GNAO1: variants seen among roughly 807,000 people sequenced by gnomAD.
GNAO1 encodes the protein guanine nucleotide-binding protein G(o) subunit alpha.
For missense variants in GNAO1, 166 were observed against 478.7 expected (o/e 0.35, Z 6.10); for synonymous variants, 164 against 180.7 (o/e 0.91, Z 0.74).
chr16:56,281,539 G>A (rs1454284386), intron 3 of GNAO1, among the ~76,000 whole-genome samples: 11 of 147,350 alleles, frequency 7.5e-5, no homozygotes, highest in African/African-American at 2.0e-4. Context: ...TCCCTTTCCC[G>A]CCTTCCCTTT....
intron 3 of GNAO1, among the ~76,000 whole-genome samples, chr16:56,295,409 T>A (rs1303738182): frequency 6.6e-6 from 1 of 152,120 alleles, no homozygotes; most frequent in African/African-American, 2.4e-5. Context: ...GAAGATTAAA[T>A]GAGATGATGA....
intron 3 of GNAO1, among the ~76,000 whole-genome samples, chr16:56,282,119 T>G (rs1212237203): frequency 6.6e-6 from 1 of 152,024 alleles, no homozygotes; most frequent in Non-Finnish European, 1.5e-5. Context: ...ATCCTGTTCC[T>G]CTAGCACAAT....
intron 2 of GNAO1, among the ~76,000 whole-genome samples, chr16:56,243,706 G>A (rs1469181096): frequency 6.6e-6 from 1 of 152,100 alleles, no homozygotes; most frequent in African/African-American, 2.4e-5. Flanking sequence ...GCAGATATAT[G>A]TTCCAGAATT....
chr16:56,348,683 T>A lies in GNAO1; in HGVS notation c.724-2701T>A, dbSNP rs1471793849. ...TGTAAGGATGAGCTGTGCTCTCAGCTCCTTGGCAATGGGTTCCAGGCAGCG... is the reference window on the plus strand; with the variant it reads ...TGTAAGGATGAGCTGTGCTCTCAGCACCTTGGCAATGGGTTCCAGGCAGCG... On this transcript the variant is annotated intron_variant, in intron 6 of 8. Transcript: ENST00000262493. Among the ~76,000 whole-genome samples, 4 of 152,176 alleles carry A rather than the reference T, an allele frequency of 2.6e-5. No individual in the cohort carries two copies. In the East Asian group the frequency reaches 7.7e-4, roughly 29 times the overall value.
intron 3 of GNAO1, chr16:56,307,298 G>A (rs926960658): frequency 6.6e-6 from 1 of 152,192 alleles, no homozygotes; most frequent in African/African-American, 2.4e-5. Flanking sequence ...CAGATTGGAG[G>A]GCAGCGGCTG....
chr16:56,278,619 C>T (rs1293506396), intron 3 of GNAO1, among the ~76,000 whole-genome samples: 1 of 152,192 alleles, frequency 6.6e-6, no homozygotes, highest in Non-Finnish European at 1.5e-5. Flanking sequence ...CATGGAGCTT[C>T]CTATCTAGCA....
chr16:56,347,989 C>T (rs890932106), intron 6 of GNAO1: 16 of 978,002 alleles, frequency 1.6e-5, no homozygotes, highest in Middle Eastern at 5.2e-4. Flanking sequence ...TGGGCTCGGG[C>T]GTCCCAGGCC....
At position 56,216,043 on chromosome 16, in the gene GNAO1, C is replaced by T. The variant is rs142154761; in HGVS notation, c.161+23427C>T. 3.3e-5 allele frequency among the ~76,000 whole-genome samples: 5 copies of T among 152,226 alleles called. No homozygotes were observed. In the East Asian group the frequency reaches 9.7e-4, roughly 29 times the overall value. ...TTAGCTCTCCAGCAGGTGCTAGGACCAGGTTTCAGCAATAGAGGAGTGGGT... is the reference window on the plus strand; with the variant it reads ...TTAGCTCTCCAGCAGGTGCTAGGACTAGGTTTCAGCAATAGAGGAGTGGGT... On this transcript the variant is annotated intron_variant, in intron 2 of 8. Coordinates refer to ENST00000262493, the MANE Select transcript of GNAO1 (RefSeq NM_020988.3).
At chr16:56,319,205 A>G (rs1316534418) in intron 3 of GNAO1, among the ~76,000 whole-genome samples, 1 of 152,214 alleles carries the variant, frequency 6.6e-6, no homozygotes, top group East Asian at 1.9e-4. Context: ...AGTTTCACAC[A>G]AAGAATATAC....
In GNAO1 at chr16:56,192,207, G is replaced by A; in HGVS notation, c.-29G>A. The A allele has an allele frequency of 7.7e-7, 1 of 1,299,990 alleles. No homozygotes were observed. The highest frequency in any genetic ancestry group is 1.1e-6 in the Non-Finnish European group (1 of 910,984). 80.5% of individuals were successfully genotyped at this position (1,299,990 alleles called of 1,614,324 possible). A position where few individuals can be genotyped will look rare whatever the true frequency, so the allele number is the denominator to read the frequency against. Reference sequence around the variant, plus strand: ...GCCGGGGAGCCGTGCCAGCCGAGTCGTGCGGGCTGTGGCAGGGAAGGGGCC... The same window carrying A: ...GCCGGGGAGCCGTGCCAGCCGAGTCATGCGGGCTGTGGCAGGGAAGGGGCC... On this transcript the variant is annotated 5_prime_UTR_variant, in exon 1 of 9. The change creates a new upstream start codon in the 5' untranslated region. Transcript: ENST00000262493.
chr16:56,339,272 C>T (rs8052261), intron 6 of GNAO1, among the ~76,000 whole-genome samples: 11,503 of 152,308 alleles, frequency 0.076, 582 homozygotes, highest in African/African-American at 0.14. Context: ...CATGGGCAAC[C>T]GCCCCACCCT....
chr16:56,344,977 G>A, intron 6 of GNAO1: 1 of 982,362 alleles, frequency 1.0e-6, no homozygotes, highest in Non-Finnish European at 1.2e-6. Context: ...TGTCTTCCCA[G>A]CCCCTGGGGA....
intron 2 of GNAO1, among the ~76,000 whole-genome samples, chr16:56,251,975 T>C (rs908786237): frequency 3.9e-5 from 6 of 152,138 alleles, no homozygotes; most frequent in African/African-American, 1.4e-4. Context: ...GCACCAATCC[T>C]CTGAGGCCCT....
chr16:56,280,124 G>T (rs1336253899), intron 3 of GNAO1, among the ~76,000 whole-genome samples: 1 of 152,254 alleles, frequency 6.6e-6, no homozygotes, highest in African/African-American at 2.4e-5. Flanking sequence ...AGATTCAAAG[G>T]CATGTGAGTT....
chr16:56,270,887 A>C (rs1474276271), intron 2 of GNAO1: 10 of 152,152 alleles, frequency 6.6e-5, no homozygotes, highest in African/African-American at 2.2e-4. Context: ...TTCTGCACTC[A>C]ATCGCTCAGC....
chr16:56,338,731 G>A (rs2037768246), intron 6 of GNAO1, among the ~76,000 whole-genome samples: 1 of 152,228 alleles, frequency 6.6e-6, no homozygotes, highest in Non-Finnish European at 1.5e-5. Flanking sequence ...TCTGGAAGAT[G>A]GAAGCAAGGG....
chr16:56,278,778 A>T (rs1038558136), intron 3 of GNAO1, among the ~76,000 whole-genome samples: 1 of 152,160 alleles, frequency 6.6e-6, no homozygotes. Context: ...GAGGGGACAG[A>T]AAGTTCCAGA....
chr16:56,274,675 C>T (rs1253176066), intron 2 of GNAO1, among the ~76,000 whole-genome samples: 14 of 152,210 alleles, frequency 9.2e-5, no homozygotes, highest in African/African-American at 3.4e-4. Context: ...AAAGACCATA[C>T]ATTGTATGGT....
chr16:56,248,869 C>G (rs191758279), intron 2 of GNAO1, among the ~76,000 whole-genome samples: 1 of 152,262 alleles, frequency 6.6e-6, no homozygotes, highest in Non-Finnish European at 1.5e-5. Context: ...GACTTTTATT[C>G]CAGGTGTGAT....
Sources: allele counts gnomAD v4.1 joint callset (sites outside exome capture counted in the v4.1 genomes callset), GRCh38; gene constraint gnomAD v4.1.1; transcripts MANE v1.5; gene names NCBI Gene and HGNC (gene_info 2026-07-23, HGNC 2026-07-21).